GET1: variants seen among roughly 807,000 people sequenced by gnomAD.
GET1 encodes congenital heart disease 5 protein.
A neutral mutation model predicts 22.6 loss-of-function variants in GET1; 20 were observed. The observed-to-expected ratio is 0.89, with a 90% CI of 0.62 to 1.29. The LOEUF is 1.29. GET1 is among the 50% of genes most tolerant of loss of function. The pLI is 0.00. For synonymous variants in GET1, 92 were observed against 83.8 expected (o/e 1.10, Z -0.53); for missense variants, 209 against 219.9 (o/e 0.95, Z 0.31).
intron 3 of GET1, 81 bp downstream of exon 3, chr21:39,391,917 G>A: frequency 7.1e-7 from 1 of 1,405,190 alleles, no homozygotes; most frequent in Admixed American, 1.7e-5. Flanking sequence ...TCCAGGGCTG[G>A]GAGTTCGGGC....
chr21:39,397,616 T>G lies in GET1; in HGVS notation c.*677T>G, dbSNP rs2038726494. ...TGTATTTAAAGCATTTTGAATGAAG[T>G]GTATTTTATAAGCATTTAATATTTA... On this transcript the variant is annotated 3_prime_UTR_variant, in exon 5 of 5. Coordinates refer to ENST00000649170, the MANE Select transcript of GET1 (RefSeq NM_004627.6). The G allele has an allele frequency of 6.6e-6, 1 of 152,290 alleles. No homozygotes were observed. Among genetic ancestry groups the G allele is most frequent in the Non-Finnish European group, 1.5e-5 (1 of 68,092 alleles). 9.4% of individuals were successfully genotyped at this position (152,290 alleles called of 1,614,324 possible).
chr21:39,395,470 T>A (rs2038579746), intron 4 of GET1, among the ~76,000 whole-genome samples: 1 of 152,030 alleles, frequency 6.6e-6, no homozygotes, highest in Admixed American at 6.6e-5. Context: ...GTTCAAGTGG[T>A]TCTCCTGCCT....
chr21:39,396,277 A>G (rs1300689205), intron 4 of GET1, among the ~76,000 whole-genome samples: 1 of 151,832 alleles, frequency 6.6e-6, no homozygotes. Context: ...GCGGTGGCTC[A>G]TGCCTGTAAT....
intron 1 of GET1, chr21:39,387,998 A>G (rs956933641): frequency 4.7e-5 from 17 of 365,194 alleles, no homozygotes; most frequent in South Asian, 2.2e-4. Flanking sequence ...TATACAGTCA[A>G]TACCGATAAC....
At chr21:39,403,966 C>T (rs1187840402) in intron 4 of GET1, among the ~76,000 whole-genome samples, 4 of 152,082 alleles carry the variant, frequency 2.6e-5, no homozygotes, top group Admixed American at 2.0e-4. Flanking sequence ...TGCTCCTTCG[C>T]CCAGGCTGGA....
Position 39,380,422 on chromosome 21 carries a change from T to C in GET1, c.38T>C (p.Leu13Pro), listed in dbSNP as rs948475363. ...GCGGCCGACCACTGGGCGTGGTTGCTGGTGCTCAGCTTCGTGTTTGGATGC... is the reference window on the plus strand; with the variant it reads ...GCGGCCGACCACTGGGCGTGGTTGCCGGTGCTCAGCTTCGTGTTTGGATGC... ...SAAADHWAWLLVLSFVFGCNV... is the reference protein window; with the variant it reads ...SAAADHWAWLPVLSFVFGCNV... The change falls in exon 1 of 5, where the codon CTG (leucine) becomes CCG (proline). Residue 13 changes from leucine to proline, a missense_variant. Leu to Pro is a moderately conservative substitution (Grantham distance 98). Transcript: ENST00000649170. 7 of 1,612,712 alleles carry C rather than the reference T, an allele frequency of 4.3e-6. No homozygotes were observed. The highest frequency in any genetic ancestry group is 5.9e-6 in the Non-Finnish European group (7 of 1,179,458).
downstream of GET1, among the ~76,000 whole-genome samples, chr21:39,407,021 G>A (rs980237322): frequency 2.6e-5 from 4 of 152,146 alleles, no homozygotes; most frequent in African/African-American, 9.7e-5. Flanking sequence ...GAGCCCAAGA[G>A]TCTGAGACCA....
chr21:39,409,745 G>T (rs374529494), downstream of GET1, among the ~76,000 whole-genome samples: 1 of 152,032 alleles, frequency 6.6e-6, no homozygotes, highest in Admixed American at 6.6e-5. The surrounding 1 kb of genome is among the most constrained non-coding windows in gnomAD (Gnocchi z 4.2). Flanking sequence ...GGCACATACC[G>T]CCATGTGCGG....
At chr21:39,419,026 A>C (rs2041806467) in intron 1 of GET1, among the ~76,000 whole-genome samples, 1 of 152,008 alleles carries the variant, frequency 6.6e-6, no homozygotes, top group African/African-American at 2.4e-5. Context: ...AGAAAAAAGG[A>C]ACTCTTTTTT....
At chr21:39,382,483 GGA>G (rs2037615010) in intron 1 of GET1, among the ~76,000 whole-genome samples, 1 of 152,148 alleles carries the variant, frequency 6.6e-6, no homozygotes, top group Non-Finnish European at 1.5e-5. Context: ...ACTACTCTTG[GGA>G]CCTCATATAA....
At chr21:39,423,550 C>T in intron 1 of GET1, 3 of 1,371,458 alleles carry the variant, frequency 2.2e-6, no homozygotes, top group South Asian at 2.9e-5. Context: ...CAAATATGCA[C>T]ATATGCATAA....
chr21:39,399,016 A>G (rs901926559), downstream of GET1, among the ~76,000 whole-genome samples: 4 of 152,272 alleles, frequency 2.6e-5, no homozygotes, highest in Non-Finnish European at 5.9e-5. Flanking sequence ...CTGGGATTAC[A>G]GGCGCAAGCC....
chr21:39,383,654 C>T (rs1163564305), intron 1 of GET1, among the ~76,000 whole-genome samples: 1 of 148,414 alleles, frequency 6.7e-6, no homozygotes, highest in Non-Finnish European at 1.5e-5. Flanking sequence ...TCTTGGCTCA[C>T]TGCAACCTCC....
chr21:39,413,368 C>T (rs1036836774), intron 1 of GET1, among the ~76,000 whole-genome samples: 4 of 152,216 alleles, frequency 2.6e-5, no homozygotes, highest in Non-Finnish European at 4.4e-5. Flanking sequence ...TTAGAAGAGA[C>T]TGAGACAAGC....
At chr21:39,406,999 G>GATCACCT (rs2039179676), downstream of GET1, among the ~76,000 whole-genome samples, 1 of 152,310 alleles carries the variant, frequency 6.6e-6, no homozygotes, top group East Asian at 1.9e-4. Context: ...GGCTGAGGCA[G>GATCACCT]GAGGACTGTT....
intron 1 of GET1, among the ~76,000 whole-genome samples, chr21:39,412,089 A>G (rs1398395654): frequency 2.0e-5 from 3 of 152,168 alleles, no homozygotes; most frequent in Admixed American, 6.5e-5. Context: ...AGTTTATGAA[A>G]TATTCTTCTG....
Position 39,393,237 on chromosome 21 carries a change from A to G in GET1, c.408A>G (p.Ile136Met), listed in dbSNP as rs1272492135. 1.9e-6 allele frequency: 3 copies of G among 1,614,168 alleles called. No individual in the cohort carries two copies. In the Admixed American group the frequency reaches 5.0e-5, roughly 27 times the overall value. The change falls in exon 4 of 5, where the codon ATA (isoleucine) becomes ATG (methionine). Residue 136 changes from isoleucine to methionine, a missense_variant. Coordinates refer to ENST00000649170, the MANE Select transcript of GET1 (RefSeq NM_004627.6). ...VPVAVVPSKW[I>M]TPLDRLVAFP... ...TGGCTGTCGTGCCGAGTAAATGGAT[A>G]ACCCCTCTAGACCGCCTGGTAGCCT...
At chr21:39,396,425 G>A (rs1285618209) in intron 4 of GET1, among the ~76,000 whole-genome samples, 1 of 152,166 alleles carries the variant, frequency 6.6e-6, no homozygotes, top group Non-Finnish European at 1.5e-5. Context: ...CTACTCGGGA[G>A]GCTGAGGCAG....
At chr21:39,403,729 C>A (rs1387279549) in intron 4 of GET1, among the ~76,000 whole-genome samples, 1 of 151,726 alleles carries the variant, frequency 6.6e-6, no homozygotes, top group African/African-American at 2.4e-5. Context: ...TCAAGCAATT[C>A]TCCTGCCTCA....
Sources: gnomAD v4.1 joint callset for allele counts (sites outside exome capture counted in the v4.1 genomes callset) on GRCh38, gnomAD v4.1.1 for gene constraint, Gnocchi (gnomAD v3.1) non-coding constraint, MANE v1.5 for transcripts, NCBI Gene and HGNC (gene_info 2026-07-23, HGNC 2026-07-21) for gene names.